The following ARB2A variants were observed in gnomAD, a reference collection of about 807,000 sequenced individuals.
ARB2A encodes cotranscriptional regulator ARB2A.
At chr5:94,026,896 G>A in the ARB2A span, among the ~76,000 whole-genome samples, 1 of 152,202 alleles carries the variant, frequency 6.6e-6, no homozygotes, top group Admixed American at 6.5e-5. Context: ...GTCTAGTGAA[G>A]AGCAGAAGTG....
At chr5:94,039,694 T>C in the ARB2A span, among the ~76,000 whole-genome samples, 1 of 152,146 alleles carries the variant, frequency 6.6e-6, no homozygotes, top group Non-Finnish European at 1.5e-5. Flanking sequence ...TTGTGCAAGA[T>C]ACCAGAACCC....
chr5:94,085,136 C>T, the ARB2A span, among the ~76,000 whole-genome samples: 1 of 152,208 alleles, frequency 6.6e-6, no homozygotes, highest in Non-Finnish European at 1.5e-5. Flanking sequence ...CCAGCAATCT[C>T]ACACCTTGGT....
At chr5:93,811,546 G>T in the ARB2A span, among the ~76,000 whole-genome samples, 156 of 152,046 alleles carry the variant, frequency 1.0e-3, no homozygotes, top group South Asian at 1.9e-3. Context: ...GTTGTCTGAG[G>T]GTTAAAAGTC....
the ARB2A span, among the ~76,000 whole-genome samples, chr5:93,971,136 T>A: frequency 1.3e-5 from 2 of 151,868 alleles, no homozygotes; most frequent in African/African-American, 4.8e-5. Context: ...GTAGCTGGGA[T>A]TACAGGTGCC....
chr5:93,905,017 C>T, the ARB2A span, among the ~76,000 whole-genome samples: 1 of 151,730 alleles, frequency 6.6e-6, no homozygotes, highest in Admixed American at 6.6e-5. Context: ...TCTTGCTCTA[C>T]ATTTAATTTC....
At chr5:94,078,867 C>G in the ARB2A span, among the ~76,000 whole-genome samples, 1 of 151,832 alleles carries the variant, frequency 6.6e-6, no homozygotes, top group Non-Finnish European at 1.5e-5. Context: ...AAAATAAGAG[C>G]AGTTACCTTT....
At chr5:93,761,191 G>A in the ARB2A span, among the ~76,000 whole-genome samples, 2 of 152,192 alleles carry the variant, frequency 1.3e-5, no homozygotes, top group African/African-American at 2.4e-5. Context: ...GCTCACTGGG[G>A]AGTGTCAGAA....
the ARB2A span, among the ~76,000 whole-genome samples, chr5:94,048,051 C>CTTTTTTTTTTT: frequency 8.3e-5 from 8 of 96,086 alleles, no homozygotes; most frequent in East Asian, 3.6e-4. Context: ...AATCGGTAAG[C>CTTTTTTTTTTT]TTTTTTTTTT....
At chr5:93,939,236 G>T in the ARB2A span, among the ~76,000 whole-genome samples, 1 of 152,198 alleles carries the variant, frequency 6.6e-6, no homozygotes, top group East Asian at 1.9e-4. Context: ...TTCCATGCAT[G>T]TAGGCATGTA....
chr5:93,966,781 A>G, the ARB2A span, among the ~76,000 whole-genome samples: 2 of 151,988 alleles, frequency 1.3e-5, no homozygotes, highest in Admixed American at 1.3e-4. Context: ...AAAGTGTCTC[A>G]CCTCTATTTG....
the ARB2A span, chr5:93,865,287 T>A: frequency 2.0e-6 from 1 of 494,314 alleles, no homozygotes; most frequent in Non-Finnish European, 2.6e-6. Flanking sequence ...TTCACCTTGT[T>A]AGCCAGAACG....
chr5:93,711,693 G>GT, the ARB2A span, among the ~76,000 whole-genome samples: 3 of 152,226 alleles, frequency 2.0e-5, no homozygotes, highest in Non-Finnish European at 4.4e-5. Context: ...TGTATTACAG[G>GT]TAAGGACAGT....
the ARB2A span, among the ~76,000 whole-genome samples, chr5:93,787,604 A>G: frequency 6.6e-6 from 1 of 152,208 alleles, no homozygotes; most frequent in African/African-American, 2.4e-5. Flanking sequence ...ACCCAGACAC[A>G]AAGTGATAAA....
chr5:93,635,671 C>T, the ARB2A span, among the ~76,000 whole-genome samples: 1 of 152,042 alleles, frequency 6.6e-6, no homozygotes, highest in Non-Finnish European at 1.5e-5. Flanking sequence ...AGCTCCTGAC[C>T]TCAGGTGATC....
At chr5:93,807,204 T>C in the ARB2A span, among the ~76,000 whole-genome samples, 4 of 151,922 alleles carry the variant, frequency 2.6e-5, no homozygotes, top group African/African-American at 4.8e-5. Flanking sequence ...TAGGCAAATA[T>C]GTTTTTTGGC....
chr5:94,090,503 G>A, the ARB2A span, among the ~76,000 whole-genome samples: 8 of 152,236 alleles, frequency 5.3e-5, no homozygotes, highest in Non-Finnish European at 1.2e-4. Flanking sequence ...CTTGCTATTT[G>A]AATACCCTTT....
chr5:93,761,991 C>T, the ARB2A span, among the ~76,000 whole-genome samples: 1 of 151,906 alleles, frequency 6.6e-6, no homozygotes, highest in East Asian at 1.9e-4. Flanking sequence ...AGATGAGGGT[C>T]CTTACTGTTA....
At chr5:93,922,680 GAGGGAGGGAGGGAGGA>G in the ARB2A span, among the ~76,000 whole-genome samples, 1 of 94,030 alleles carries the variant, frequency 1.1e-5, no homozygotes, top group East Asian at 3.9e-4. Context: ...GGGAGGGAGG[GAGGGAGGGAGGGAGGA>G]AGGAAAGAAA....
At chr5:93,932,653 T>TA in the ARB2A span, among the ~76,000 whole-genome samples, 1 of 152,206 alleles carries the variant, frequency 6.6e-6, no homozygotes, top group Admixed American at 6.5e-5. Flanking sequence ...GCATCCCACT[T>TA]ACATAATTGG....
Sources: gnomAD v4.1 joint callset for allele counts (sites outside exome capture counted in the v4.1 genomes callset) on GRCh38, gnomAD v4.1.1 for gene constraint, MANE v1.5 for transcripts, NCBI Gene and HGNC (gene_info 2026-07-23, HGNC 2026-07-21) for gene names.